Variants in TMPRSS15 observed in about 807,000 individuals in gnomAD.
TMPRSS15 encodes the protein transmembrane serine protease 15.
A neutral mutation model predicts 125.3 loss-of-function variants in TMPRSS15; 128 were observed. The observed-to-expected ratio is 1.02, with a 90% CI of 0.89 to 1.18. TMPRSS15 has a LOEUF of 1.18. TMPRSS15 is among the 50% of genes most tolerant of loss of function. TMPRSS15 has a pLI of 0.00. For synonymous variants in TMPRSS15, 446 were observed against 423.2 expected, an observed-to-expected ratio of 1.05 and a Z score of -0.66; for missense variants, 1,283 against 1,212.7, an observed-to-expected ratio of 1.06 and a Z score of -0.86.
At chr21:18,326,166 C>T (rs1262730012) in intron 16 of TMPRSS15, among the ~76,000 whole-genome samples, 3 of 152,122 alleles carry the variant, frequency 2.0e-5, no homozygotes, top group African/African-American at 7.2e-5. Flanking sequence ...ACATGGCCCT[C>T]TTCAATGAAC....
chr21:18,435,875 G>A (rs1185925381), intron 1 of TMPRSS15, among the ~76,000 whole-genome samples: 2 of 151,978 alleles, frequency 1.3e-5, no homozygotes, highest in African/African-American at 2.4e-5. Context: ...TGTATGTGTC[G>A]AGGAATTTAT....
In TMPRSS15 at chr21:18,276,256, T is replaced by C. The variant is rs184512212; in HGVS notation, c.2765-920A>G. Among the ~76,000 whole-genome samples, 224 of 152,316 alleles carry C rather than the reference T, an allele frequency of 1.5e-3. 2 individuals are homozygous for C. Among genetic ancestry groups the C allele is most frequent in the Admixed American group, 0.013 (205 of 15,304 alleles). The stretch of plus-strand genomic sequence containing the variant: ...TGCAAAACAGATATATATGACTCAG[T>C]AGTGCATTGGTAAATGTATATCAAT... On this transcript the variant is annotated intron_variant, in intron 23 of 24. Transcript: ENST00000284885.
chr21:18,365,082 G>T, intron 7 of TMPRSS15, 58 bp downstream of exon 7: 2 of 1,378,704 alleles, frequency 1.5e-6, no homozygotes, highest in Non-Finnish European at 2.1e-6. Flanking sequence ...GCAATAAGAC[G>T]TTGCATCAGA....
chr21:18,353,573 CTTTTT>C, intron 9 of TMPRSS15, 145 bp downstream of exon 9: 2 of 672,544 alleles, frequency 3.0e-6, no homozygotes, highest in Non-Finnish European at 4.9e-6. Flanking sequence ...TTTCTCATTT[CTTTTT>C]AAGTTCTAAG....
chr21:18,471,972 G>A (rs146713377), intron 1 of TMPRSS15, among the ~76,000 whole-genome samples: 1 of 152,240 alleles, frequency 6.6e-6, no homozygotes, highest in Non-Finnish European at 1.5e-5. Context: ...TTGTGTAACA[G>A]TTGGCTGAAG....
intron 21 of TMPRSS15, among the ~76,000 whole-genome samples, chr21:18,286,844 C>T (rs2074770490): frequency 6.6e-6 from 1 of 152,216 alleles, no homozygotes. Context: ...CTCTGCCAAT[C>T]CCCTTCTGGG....
chr21:18,314,522 C>T (rs1254205161), intron 17 of TMPRSS15, among the ~76,000 whole-genome samples: 2 of 152,136 alleles, frequency 1.3e-5, no homozygotes, highest in Non-Finnish European at 2.9e-5. Context: ...AGATGATCTG[C>T]CCACCTCGGC....
rs1356630464 is a variant in TMPRSS15, at chr21:18,472,224, A to AT, written c.10+13574_10+13575insA. ...TTTTATTTTCATATCACTAAAAAGA[A>AT]ATTTTTTTTTGTTCTATGAGAAAAG... On this transcript the variant is annotated intron_variant, in intron 1 of 7. Transcript: ENST00000422787. 3.3e-4 allele frequency among the ~76,000 whole-genome samples: 49 copies of AT among 150,350 alleles called. 1 individual carries two copies. Among genetic ancestry groups the AT allele is most frequent in the Admixed American group, 2.1e-3 (31 of 14,994 alleles).
At chr21:18,373,611 T>C (rs1749566176) in intron 5 of TMPRSS15, among the ~76,000 whole-genome samples, 1 of 152,234 alleles carries the variant, frequency 6.6e-6, no homozygotes. Context: ...TAAAGCACTA[T>C]ACTTAAAACT....
intron 19 of TMPRSS15, among the ~76,000 whole-genome samples, chr21:18,296,102 G>A (rs976067000): frequency 6.6e-6 from 1 of 152,104 alleles, no homozygotes; most frequent in African/African-American, 2.4e-5. Context: ...GCAGTGAGCC[G>A]AGATCACGCC....
At chr21:18,271,107 A>T (rs1395299104) in intron 24 of TMPRSS15, among the ~76,000 whole-genome samples, 3 of 152,174 alleles carry the variant, frequency 2.0e-5, no homozygotes, top group Non-Finnish European at 4.4e-5. Context: ...CATACACAGG[A>T]ACATAAATTG....
At chr21:18,363,842 G>A (rs989972836) in intron 7 of TMPRSS15, among the ~76,000 whole-genome samples, 2 of 151,984 alleles carry the variant, frequency 1.3e-5, no homozygotes, top group Non-Finnish European at 2.9e-5. Flanking sequence ...ACTTAGAACT[G>A]CCATTTTTAA....
At chr21:18,462,496 GT>G (rs1347636129) in intron 1 of TMPRSS15, among the ~76,000 whole-genome samples, 1 of 151,928 alleles carries the variant, frequency 6.6e-6, no homozygotes, top group Non-Finnish European at 1.5e-5. Flanking sequence ...CAAATATTGA[GT>G]TTGTAAATGG....
At chr21:18,484,034 G>C (rs1601479335) in intron 1 of TMPRSS15, among the ~76,000 whole-genome samples, 1 of 151,802 alleles carries the variant, frequency 6.6e-6, no homozygotes, top group East Asian at 1.9e-4. Flanking sequence ...TCCTCAAAAA[G>C]TTACCTTTGT....
chr21:18,428,612 C>T lies in TMPRSS15; in HGVS notation c.11-30283G>A, dbSNP rs374072320. Among the ~76,000 whole-genome samples the T allele has an allele frequency of 7.9e-5, 12 of 152,280 alleles. No individual in the cohort carries two copies. In the East Asian group the frequency reaches 2.1e-3, roughly 27 times the overall value. On this transcript the variant is annotated intron_variant, in intron 1 of 7. Coordinates refer to the TMPRSS15 transcript ENST00000422787. The stretch of plus-strand genomic sequence containing the variant: ...GGCCAATGTAGAGTGCAGGCCATGG[C>T]TTCAGAGAGTGGAAGCCCCAAGCCT...
chr21:18,358,029 T>C (rs1037593816), intron 8 of TMPRSS15, among the ~76,000 whole-genome samples: 16 of 151,812 alleles, frequency 1.1e-4, no homozygotes, highest in African/African-American at 3.9e-4. Context: ...AACTACATAT[T>C]CATTGATGTT....
chr21:18,296,305 A>G (rs2074907229), intron 19 of TMPRSS15, among the ~76,000 whole-genome samples: 1 of 152,210 alleles, frequency 6.6e-6, no homozygotes, highest in Non-Finnish European at 1.5e-5. Flanking sequence ...TCATAGGGAT[A>G]CAAACATAAT....
chr21:18,276,262 A>G (rs1469486477), intron 23 of TMPRSS15, among the ~76,000 whole-genome samples: 1 of 152,256 alleles, frequency 6.6e-6, no homozygotes, highest in African/African-American at 2.4e-5. Context: ...TCAGTAGTGC[A>G]TTGGTAAATG....
chr21:18,395,796 A>G (rs2076029125), intron 3 of TMPRSS15, among the ~76,000 whole-genome samples: 1 of 152,226 alleles, frequency 6.6e-6, no homozygotes, highest in Non-Finnish European at 1.5e-5. Context: ...TGTCAGCTGC[A>G]CAAAAGCACA....
Sources: gnomAD v4.1 joint callset for allele counts (sites outside exome capture counted in the v4.1 genomes callset) on GRCh38, gnomAD v4.1.1 for gene constraint, MANE v1.5 for transcripts, NCBI Gene and HGNC (gene_info 2026-07-23, HGNC 2026-07-21) for gene names.